Variants in NLGN1 observed in about 807,000 individuals in gnomAD.
NLGN1 encodes the protein neuroligin 1.
A neutral mutation model predicts 65.5 loss-of-function variants in NLGN1; 12 were observed. The ratio of observed to expected loss-of-function variants is 0.18; its 90% CI spans 0.12 to 0.30. The LOEUF is 0.30. Ranked by LOEUF, NLGN1 falls within the 10% of genes least tolerant of loss-of-function variation. The pLI is 1.00. For missense variants in NLGN1, 750 were observed against 1,007.1 expected (o/e 0.74, Z 3.46); for synonymous variants, 350 against 359.5 (o/e 0.97, Z 0.30).
chr3:173,750,543 A>G lies in NLGN1; in HGVS notation c.494-57137A>G, dbSNP rs190919093. ...GCTTACAGATTGAATGGATTTGCCA[A>G]TTTTCTAAGAACTTGAACACAGGTA... On this transcript the variant is annotated intron_variant, in intron 3 of 6. Coordinates refer to ENST00000457714, the Ensembl canonical transcript of NLGN1. Among the ~76,000 whole-genome samples, 68 of 152,242 alleles carry G rather than the reference A, an allele frequency of 4.5e-4. No homozygotes were observed. The East Asian group carries it at 0.011, about 24-fold the overall frequency.
intron 4 of NLGN1, among the ~76,000 whole-genome samples, chr3:173,951,794 T>C (rs1748271562): frequency 6.6e-6 from 1 of 152,150 alleles, no homozygotes; most frequent in African/African-American, 2.4e-5. Context: ...CTGTATCCTA[T>C]ATAATACGTC....
chr3:173,583,153 T>A (rs1746669877), intron 2 of NLGN1, among the ~76,000 whole-genome samples: 1 of 152,330 alleles, frequency 6.6e-6, no homozygotes, highest in South Asian at 2.1e-4. Context: ...CCTTAATAGT[T>A]CATATTGGAA....
chr3:173,614,177 T>C (rs1247274968), intron 3 of NLGN1, among the ~76,000 whole-genome samples: 2 of 152,024 alleles, frequency 1.3e-5, no homozygotes, highest in Non-Finnish European at 2.9e-5. Context: ...GTTCCCCTAA[T>C]TGGAAAGTGA....
At chr3:174,220,906 A>G (rs1738523957) in intron 4 of NLGN1, among the ~76,000 whole-genome samples, 1 of 152,186 alleles carries the variant, frequency 6.6e-6, no homozygotes, top group South Asian at 2.1e-4. Flanking sequence ...TGGCAGTACA[A>G]GCATTTGTGT....
chr3:173,683,865 A>AT (rs1303335193), intron 3 of NLGN1, among the ~76,000 whole-genome samples: 1 of 152,182 alleles, frequency 6.6e-6, no homozygotes, highest in Non-Finnish European at 1.5e-5. Flanking sequence ...CATTTTGCAG[A>AT]TAAAAAAACA....
At chr3:173,827,629 A>ATGTGTGTG (rs59670610) in intron 4 of NLGN1, among the ~76,000 whole-genome samples, 3,256 of 146,912 alleles carry the variant, frequency 0.022, 61 homozygotes, top group East Asian at 0.074. Flanking sequence ...TATTTATGAT[A>ATGTGTGTG]TGTGTGTGTG....
intron 4 of NLGN1, among the ~76,000 whole-genome samples, chr3:174,195,631 G>A (rs761904953): frequency 2.0e-5 from 3 of 152,132 alleles, no homozygotes; most frequent in Non-Finnish European, 2.9e-5. Flanking sequence ...CAATGCAGCC[G>A]AAGTGTCTGT....
In NLGN1 at chr3:173,454,423, G is replaced by T. The variant is rs1335158822; in HGVS notation, c.-321+19345G>T. On this transcript the variant is annotated intron_variant, in intron 2 of 6. Transcript: ENST00000457714. ...TTTCTAGCTATGAAATTCCTAGATG[G>T]TATCATCTTCTGTTATCATCTTTCT... Among the ~76,000 whole-genome samples the T allele has an allele frequency of 6.6e-5, 10 of 152,068 alleles. 1 individual carries two copies. The highest frequency in any genetic ancestry group is 6.6e-4 in the Admixed American group (10 of 15,264).
chr3:173,634,139 C>T (rs944650572), intron 3 of NLGN1, among the ~76,000 whole-genome samples: 3 of 151,840 alleles, frequency 2.0e-5, no homozygotes, highest in African/African-American at 7.3e-5. Context: ...TAAAGAAATA[C>T]GTGTTCTTTG....
chr3:173,993,213 A>G (rs1721500891), intron 4 of NLGN1, among the ~76,000 whole-genome samples: 1 of 152,186 alleles, frequency 6.6e-6, no homozygotes, highest in South Asian at 2.1e-4. Context: ...GCTTCATAGA[A>G]ATGTCTTAAA....
At chr3:173,607,357 C>CAT (rs1408731122) in intron 3 of NLGN1, among the ~76,000 whole-genome samples, 1 of 151,752 alleles carries the variant, frequency 6.6e-6, no homozygotes, top group African/African-American at 2.4e-5. Flanking sequence ...TGTGCTTATT[C>CAT]ATACTATTAA....
chr3:174,057,802 C>G (rs1580054128), intron 4 of NLGN1: 1 of 152,056 alleles, frequency 6.6e-6, no homozygotes. Flanking sequence ...CATCTTTAGT[C>G]ATGTTGTTGA....
intron 3 of NLGN1, among the ~76,000 whole-genome samples, chr3:173,632,067 A>G (rs1019537422): frequency 6.6e-6 from 1 of 152,166 alleles, no homozygotes; most frequent in African/African-American, 2.4e-5. Flanking sequence ...GCAGCCTTCA[A>G]TCTTCGTGAG....
In NLGN1 at chr3:174,279,704, T is replaced by TGG; in HGVS notation, c.1649+54_1649+55insGG. ...TTAATAAAAATGTTATTTTAACCAT[T>TGG]TTAAAATAATAGATATTTATGCCCA... On this transcript the variant is annotated intron_variant, in intron 6 of 6. Coordinates refer to ENST00000457714, the Ensembl canonical transcript of NLGN1. The surrounding 1 kb of genome is among the most constrained non-coding windows in gnomAD (Gnocchi z 4.7). 1 of 1,060,776 alleles carries TGG rather than the reference T, an allele frequency of 9.4e-7. No individual in the cohort carries two copies. The highest frequency in any genetic ancestry group is 1.4e-6 in the Non-Finnish European group (1 of 731,296). 65.7% of individuals were successfully genotyped at this position (1,060,776 alleles called of 1,614,324 possible).
chr3:174,103,582 ATATAG>A lies in NLGN1; in HGVS notation c.647-171730_647-171726del, dbSNP rs1210309325. On this transcript the variant is annotated intron_variant, in intron 4 of 6. Coordinates refer to ENST00000457714, the Ensembl canonical transcript of NLGN1. ...TGACAGGTATTAATATGCCATTATA[ATATAG>A]TAAAGTAACATAACTCAGCTGCATT... Among the ~76,000 whole-genome samples the A allele has an allele frequency of 2.0e-5, 3 of 152,128 alleles. No individual in the cohort carries two copies. In the East Asian group the frequency reaches 5.8e-4, roughly 29 times the overall value.
chr3:173,666,482 T>C (rs1231405039), intron 3 of NLGN1, among the ~76,000 whole-genome samples: 1 of 152,186 alleles, frequency 6.6e-6, no homozygotes, highest in African/African-American at 2.4e-5. Context: ...AAACAAGTTA[T>C]TGTTTTTGAA....
chr3:173,553,155 A>T (rs543198042), intron 2 of NLGN1, among the ~76,000 whole-genome samples: 2 of 152,278 alleles, frequency 1.3e-5, no homozygotes, highest in East Asian at 3.9e-4. Context: ...ATTCGCCTTG[A>T]AAATCCAAAT....
chr3:173,480,872 C>T (rs1463894630), intron 2 of NLGN1, among the ~76,000 whole-genome samples: 1 of 152,014 alleles, frequency 6.6e-6, no homozygotes, highest in Non-Finnish European at 1.5e-5. Context: ...AAAGTAAGAT[C>T]AATTGGGTAT....
chr3:173,943,496 G>A (rs12490818), intron 4 of NLGN1, among the ~76,000 whole-genome samples: 51,598 of 151,944 alleles, frequency 0.34, 9,720 homozygotes, highest in African/African-American at 0.5. Flanking sequence ...TACATGCACA[G>A]TGAATTACCT....
Sources: gnomAD v4.1 joint callset for allele counts (sites outside exome capture counted in the v4.1 genomes callset) on GRCh38, gnomAD v4.1.1 for gene constraint, Gnocchi (gnomAD v3.1) non-coding constraint, MANE v1.5 for transcripts, NCBI Gene and HGNC (gene_info 2026-07-23, HGNC 2026-07-21) for gene names.